SLC24A4: variants seen among roughly 807,000 people sequenced by gnomAD.
SLC24A4 encodes the protein sodium/potassium/calcium exchanger 4.
SLC24A4 carries 53 observed loss-of-function variants against 79.0 expected under a neutral mutation model. The ratio of observed to expected loss-of-function variants is 0.67; its 90% confidence interval spans 0.54 to 0.84. The LOEUF (loss-of-function observed/expected upper bound fraction) is 0.84. Among genes scored for constraint, SLC24A4 ranks in the 40% least tolerant of loss-of-function variants. The pLI is 0.00. For missense variants in SLC24A4, 731 were observed against 822.0 expected, an observed-to-expected ratio of 0.89 and a Z score of 1.35; for synonymous variants, 323 against 323.8, an observed-to-expected ratio of 1.00 and a Z score of 0.03.
intron 2 of SLC24A4, among the ~76,000 whole-genome samples, chr14:92,339,495 T>C (rs1886003595): frequency 1.3e-5 from 2 of 152,124 alleles, no homozygotes; most frequent in Non-Finnish European, 2.9e-5. Context: ...AAGATGTGAG[T>C]AAGGCACAGA....
At chr14:92,393,639 A>T (rs1273143675) in intron 2 of SLC24A4, among the ~76,000 whole-genome samples, 1 of 146,736 alleles carries the variant, frequency 6.8e-6, no homozygotes, top group African/African-American at 2.6e-5. Flanking sequence ...AATCTCCCAG[A>T]CTCAAGTGAT....
intron 2 of SLC24A4, among the ~76,000 whole-genome samples, chr14:92,401,894 C>G (rs1261494573): frequency 1.3e-5 from 2 of 152,104 alleles, no homozygotes; most frequent in African/African-American, 2.4e-5. Context: ...AGACAAAGAC[C>G]AAATAAACCC....
chr14:92,481,891 C>A (rs2149054), intron 12 of SLC24A4, among the ~76,000 whole-genome samples: 138,411 of 152,222 alleles, frequency 0.91, 63,906 homozygotes, highest in Non-Finnish European at 0.99. Flanking sequence ...GCACACCTAT[C>A]TTCAGTGGCT....
At chr14:92,477,346 G>A (rs950719294) in intron 12 of SLC24A4, among the ~76,000 whole-genome samples, 1 of 152,164 alleles carries the variant, frequency 6.6e-6, no homozygotes, top group African/African-American at 2.4e-5. Context: ...AGTAGTAAGA[G>A]TTCTTTACAT....
chr14:92,482,672 C>A lies in SLC24A4; in HGVS notation c.1256-8C>A, dbSNP rs377746591. The A allele has an allele frequency of 1.8e-5, 29 of 1,606,598 alleles. No individual in the cohort carries two copies. The African/African-American group carries it at 2.8e-4, about 16-fold the overall frequency. On this transcript the variant is annotated splice_region_variant and splice_polypyrimidine_tract_variant and intron_variant, in intron 12 of 16. Transcript: ENST00000532405. ...CCTCCTTTCTCACTCTGCCCCTTCA[C>A]CCTGCAGAGGCCAGAGGGGACAAGG...
intron 10 of SLC24A4, 69 bp downstream of exon 10, chr14:92,449,285 C>T (rs1292574008): frequency 6.3e-5 from 5 of 78,978 alleles, no homozygotes; most frequent in Non-Finnish European, 9.4e-5. Context: ...TTTGTGTACA[C>T]ACACACACAC....
At chr14:92,327,163 T>A (rs35777321) in intron 2 of SLC24A4, among the ~76,000 whole-genome samples, 76,533 of 151,990 alleles carry the variant, frequency 0.5, 19,654 homozygotes, top group Non-Finnish European at 0.56. Context: ...TGTGCTTAGG[T>A]GGGGGTGACC....
At chr14:92,368,062 C>T (rs193090358) in intron 2 of SLC24A4, among the ~76,000 whole-genome samples, 59 of 152,312 alleles carry the variant, frequency 3.9e-4, no homozygotes, top group African/African-American at 1.2e-3. Context: ...AGGAAAGATA[C>T]GGGAAGCAGA....
At position 92,479,276 on chromosome 14, in the gene SLC24A4, A is replaced by T. The variant is rs892718400; in HGVS notation, c.1256-3404A>T. Among the ~76,000 whole-genome samples, 4 of 152,204 alleles carry T rather than the reference A, an allele frequency of 2.6e-5. No individual in the cohort carries two copies. The South Asian group carries it at 8.3e-4, about 32-fold the overall frequency. On this transcript the variant is annotated intron_variant, in intron 12 of 16. Coordinates refer to ENST00000532405, the MANE Select transcript of SLC24A4 (RefSeq NM_153646.4). Reference sequence around the variant, plus strand: ...TCATCTTGTTTCTGATTTTGCAGTGAGGTGGGGAGGGGAGGGTTGCAATAG... The same window carrying T: ...TCATCTTGTTTCTGATTTTGCAGTGTGGTGGGGAGGGGAGGGTTGCAATAG...
chr14:92,343,653 T>TTCCTTCCCTCC (rs58733128), intron 2 of SLC24A4, among the ~76,000 whole-genome samples: 26 of 34,252 alleles, frequency 7.6e-4, no homozygotes, highest in African/African-American at 1.4e-3. Flanking sequence ...TCTTTCCTTC[T>TTCCTTCCCTCC]TTCCTTCCTT....
At chr14:92,470,808 A>G (rs542106196) in intron 12 of SLC24A4, among the ~76,000 whole-genome samples, 1 of 152,212 alleles carries the variant, frequency 6.6e-6, no homozygotes, top group Non-Finnish European at 1.5e-5. Context: ...GAATTAGTCC[A>G]GACTCCTAAT....
intron 2 of SLC24A4, among the ~76,000 whole-genome samples, chr14:92,422,254 T>C (rs762615890): frequency 6.6e-4 from 101 of 152,338 alleles, no homozygotes; most frequent in Non-Finnish European, 9.9e-4. Context: ...ACCATTATCC[T>C]ATTCCTGGGC....
chr14:92,488,891 TAG>T (rs1375686687), intron 14 of SLC24A4, among the ~76,000 whole-genome samples: 4 of 152,070 alleles, frequency 2.6e-5, no homozygotes, highest in Non-Finnish European at 5.9e-5. Flanking sequence ...GAGTTCAGGC[TAG>T]GGAGGGGTGT....
chr14:92,449,211 G>A lies in SLC24A4; in HGVS notation c.875G>A (p.Gly292Glu). 6.2e-7 allele frequency: 1 copy of A among 1,614,014 alleles called. No individual in the cohort carries two copies. The highest frequency in any genetic ancestry group is 2.2e-5 in the East Asian group (1 of 44,880). ...GATGACCCTTCCGTGCCATTGCTGG[G>A]GCAAGGTAAGGCTGAGCAGACAGGA... ...SYDDPSVPLL[G>E]QVKEKPQYGK... Residue 292 changes from glycine to glutamate, a missense_variant, in exon 10 of 17, where the codon GGG (glycine) becomes GAG (glutamate). Physicochemically the swap from Gly to Glu is moderately conservative, Grantham distance 98 (BLOSUM62 -2). Transcript: ENST00000532405.
intron 2 of SLC24A4, among the ~76,000 whole-genome samples, chr14:92,414,383 G>A (rs1188997708): frequency 1.3e-5 from 2 of 152,174 alleles, no homozygotes; most frequent in African/African-American, 4.8e-5. Context: ...CACACTACCT[G>A]TGGTGAAAGA....
At chr14:92,437,547 C>T (rs909646672) in intron 3 of SLC24A4, among the ~76,000 whole-genome samples, 1 of 152,194 alleles carries the variant, frequency 6.6e-6, no homozygotes, top group Non-Finnish European at 1.5e-5. Flanking sequence ...AAACCAAAAC[C>T]TAGAAAAGTT....
intron 6 of SLC24A4, 65 bp downstream of exon 6, chr14:92,442,881 G>A: frequency 1.5e-6 from 2 of 1,351,924 alleles, no homozygotes; most frequent in Non-Finnish European, 2.1e-6. Flanking sequence ...AGCCTCTAAT[G>A]ACAAGAGGTT....
Position 92,482,743 on chromosome 14 carries a change from C to G in SLC24A4, c.1319C>G (p.Thr440Ser). 1 of 1,614,150 alleles carries G rather than the reference C, an allele frequency of 6.2e-7. No homozygotes were observed. The highest frequency in any genetic ancestry group is 8.5e-7 in the Non-Finnish European group (1 of 1,180,010). The stretch of plus-strand genomic sequence containing the variant: ...CCCCTCATCTTCCTCCTGTGCGTCA[C>G]CATTCCCAACTGCAGCAAGCCCCGC... Reference protein sequence around the residue: ...TWPLIFLLCVTIPNCSKPRWE... With the variant: ...TWPLIFLLCVSIPNCSKPRWE... The change falls in exon 13 of 17, where the codon ACC becomes AGC. Residue 440 changes from threonine to serine, a missense_variant. Transcript: ENST00000532405.
intron 2 of SLC24A4, among the ~76,000 whole-genome samples, chr14:92,365,113 C>T (rs1320410671): frequency 6.6e-6 from 1 of 152,258 alleles, no homozygotes; most frequent in Non-Finnish European, 1.5e-5. Context: ...CTGGCACCGC[C>T]ATCCTTAAAG....
Sources: allele counts gnomAD v4.1 joint callset (sites outside exome capture counted in the v4.1 genomes callset), GRCh38; gene constraint gnomAD v4.1.1; transcripts MANE v1.5; gene names NCBI Gene and HGNC (gene_info 2026-07-23, HGNC 2026-07-21).